CYB5B: variants seen among roughly 807,000 people sequenced by gnomAD.
The protein encoded by CYB5B is cytochrome b5 type B, also known as cytochrome b5 type B (outer mitochondrial membrane).
CYB5B carries 14 observed loss-of-function variants against 21.3 expected under a neutral mutation model. The ratio of observed to expected loss-of-function variants is 0.66; its 90% CI spans 0.43 to 1.03. The LOEUF (loss-of-function observed/expected upper bound fraction) is 1.03. Among genes scored for constraint, CYB5B ranks in the 50% least tolerant of loss-of-function variants. The pLI, the probability that CYB5B is intolerant of heterozygous loss-of-function variation, is 0.00. For synonymous variants in CYB5B, 69 were observed against 68.4 expected, an observed-to-expected ratio of 1.01 and a Z score of -0.04; for missense variants, 166 against 185.1, an observed-to-expected ratio of 0.90 and a Z score of 0.60.
chr16:69,448,079 G>T (rs1206404330), intron 2 of CYB5B, 36 bp from the exon 3 acceptor site: 1 of 1,606,114 alleles, frequency 6.2e-7, no homozygotes, highest in Non-Finnish European at 8.5e-7. Flanking sequence ...ATTTGGCTAT[G>T]TCTTAAAATA....
chr16:69,441,388 TC>T (rs1324501618), intron 1 of CYB5B, among the ~76,000 whole-genome samples: 1 of 152,132 alleles, frequency 6.6e-6, no homozygotes, highest in Non-Finnish European at 1.5e-5. Flanking sequence ...TCTCCTGACC[TC>T]GTGATCCGCC....
In CYB5B at chr16:69,465,153, A is replaced by C. The variant is rs2015076183; in HGVS notation, c.*2633A>C. 1 of 154,114 alleles carries C rather than the reference A, an allele frequency of 6.5e-6. No homozygotes were observed. Among genetic ancestry groups the C allele is most frequent in the Non-Finnish European group, 1.4e-5 (1 of 69,626 alleles). 9.5% of individuals were successfully genotyped at this position (154,114 alleles called of 1,614,324 possible). A position where few individuals can be genotyped will look rare whatever the true frequency, so the allele number is the denominator to read the frequency against. ...CCCATTGGCTGACAGTGCCACCTGGAGCTGGTCTCTGGGGTGTTCGGTTGT... is the reference window on the plus strand; with the variant it reads ...CCCATTGGCTGACAGTGCCACCTGGCGCTGGTCTCTGGGGTGTTCGGTTGT... On this transcript the variant is annotated 3_prime_UTR_variant, in exon 5 of 5. Transcript: ENST00000307892.
Position 69,465,193 on chromosome 16 carries a change from G to A in CYB5B, c.*2673G>A. 6.3e-6 allele frequency: 1 copy of A among 157,820 alleles called. No individual in the cohort carries two copies. The highest frequency in any genetic ancestry group is 1.4e-5 in the Non-Finnish European group (1 of 72,348). The allele number at this position is 157,820 out of a possible 1,614,324, so 9.8% of individuals were successfully genotyped here. A position where few individuals can be genotyped will look rare whatever the true frequency, so the allele number is the denominator to read the frequency against. The stretch of plus-strand genomic sequence containing the variant: ...TGTTCGGTTGTTTATTCCTGAGGAA[G>A]ACTAGCTGCTGCTGCTGCTGCTGCT... On this transcript the variant is annotated 3_prime_UTR_variant, in exon 5 of 5. Coordinates refer to ENST00000307892, the MANE Select transcript of CYB5B (RefSeq NM_030579.3).
intron 1 of CYB5B, among the ~76,000 whole-genome samples, chr16:69,430,378 G>A (rs1179084970): frequency 6.6e-6 from 1 of 151,982 alleles, no homozygotes; most frequent in Non-Finnish European, 1.5e-5. Flanking sequence ...ACCACACCCT[G>A]CTAATTTTTT....
intron 3 of CYB5B, among the ~76,000 whole-genome samples, chr16:69,451,437 T>G (rs1408243758): frequency 6.6e-6 from 1 of 152,158 alleles, no homozygotes; most frequent in East Asian, 1.9e-4. Flanking sequence ...GTTCAAGAGA[T>G]AAAGTGCATA....
intron 1 of CYB5B, among the ~76,000 whole-genome samples, chr16:69,446,805 C>G (rs1179639039): frequency 1.3e-5 from 2 of 152,118 alleles, no homozygotes; most frequent in Non-Finnish European, 2.9e-5. Flanking sequence ...GAATCTCTAG[C>G]CTCCTTCAAT....
At chr16:69,428,767 T>C (rs1280568765) in intron 1 of CYB5B, among the ~76,000 whole-genome samples, 10 of 152,100 alleles carry the variant, frequency 6.6e-5, no homozygotes, top group Admixed American at 5.9e-4. Context: ...TTTATGAAGA[T>C]GACTAAGTAA....
chr16:69,434,893 G>A (rs958110551), intron 1 of CYB5B, among the ~76,000 whole-genome samples: 22 of 151,566 alleles, frequency 1.5e-4, no homozygotes, highest in Middle Eastern at 3.2e-3. Context: ...CATTGTAATG[G>A]GTGTGTAATG....
At position 69,462,646 on chromosome 16, in the gene CYB5B, C is replaced by T. The variant is rs771877684; in HGVS notation, c.*126C>T. On this transcript the variant is annotated 3_prime_UTR_variant, in exon 5 of 5. Coordinates refer to ENST00000307892, the MANE Select transcript of CYB5B (RefSeq NM_030579.3). ...GCATTCTTCCCCCTTGGAGCCAAGACGATTGGCCAGACATCACCTCAGATC... is the reference window on the plus strand; with the variant it reads ...GCATTCTTCCCCCTTGGAGCCAAGATGATTGGCCAGACATCACCTCAGATC... 21 of 757,044 alleles carry T rather than the reference C, an allele frequency of 2.8e-5. No individual in the cohort carries two copies. Among genetic ancestry groups the T allele is most frequent in the Non-Finnish European group, 3.6e-5 (16 of 443,152 alleles). 46.9% of individuals were successfully genotyped at this position (757,044 alleles called of 1,614,324 possible). A position where few individuals can be genotyped will look rare whatever the true frequency, so the allele number is the denominator to read the frequency against.
intron 3 of CYB5B, among the ~76,000 whole-genome samples, chr16:69,456,544 G>A (rs2014985379): frequency 6.6e-6 from 1 of 152,164 alleles, no homozygotes; most frequent in African/African-American, 2.4e-5. Context: ...GGGTTATGCT[G>A]GAAGAACTTT....
At chr16:69,444,958 G>C (rs1422301981) in intron 1 of CYB5B, among the ~76,000 whole-genome samples, 1 of 152,170 alleles carries the variant, frequency 6.6e-6, no homozygotes, top group Non-Finnish European at 1.5e-5. Flanking sequence ...AAAGTGTTGT[G>C]CTTTCTCTTG....
At chr16:69,440,597 G>A (rs1322251965) in intron 1 of CYB5B, among the ~76,000 whole-genome samples, 1 of 152,154 alleles carries the variant, frequency 6.6e-6, no homozygotes, top group African/African-American at 2.4e-5. Context: ...CATGTGTTGT[G>A]TATGTGGCAG....
intron 1 of CYB5B, among the ~76,000 whole-genome samples, chr16:69,438,134 A>G (rs1002077275): frequency 6.6e-6 from 1 of 152,166 alleles, no homozygotes; most frequent in African/African-American, 2.4e-5. Context: ...TGACTACTCT[A>G]GAATATAAAT....
intron 4 of CYB5B, 81 bp from the exon 5 acceptor site, chr16:69,462,348 TA>T: frequency 8.6e-7 from 1 of 1,168,874 alleles, no homozygotes; most frequent in Non-Finnish European, 1.3e-6. Flanking sequence ...CTTGCCTATA[TA>T]AAAACATGTG....
chr16:69,442,018 C>G (rs1316503780), intron 1 of CYB5B, among the ~76,000 whole-genome samples: 3 of 152,092 alleles, frequency 2.0e-5, no homozygotes, highest in Non-Finnish European at 4.4e-5. Flanking sequence ...TCAGAATGAA[C>G]AATACAGGGA....
chr16:69,440,745 C>CGTGTGTGTGTGT (rs56008000), intron 1 of CYB5B, among the ~76,000 whole-genome samples: 58,612 of 146,154 alleles, frequency 0.4, 12,411 homozygotes, highest in Admixed American at 0.51. Context: ...GTGTGTGTTG[C>CGTGTGTGTGTGT]GTGTGTGTGT....
intron 1 of CYB5B, among the ~76,000 whole-genome samples, chr16:69,446,138 G>C (rs753778416): frequency 4.6e-5 from 7 of 152,080 alleles, no homozygotes; most frequent in Non-Finnish European, 1.0e-4. Context: ...GGAGTGCAAA[G>C]TGTTTTATAT....
chr16:69,452,293 G>A (rs2014942184), intron 3 of CYB5B, among the ~76,000 whole-genome samples: 1 of 130,016 alleles, frequency 7.7e-6, no homozygotes, highest in Non-Finnish European at 1.6e-5. Context: ...CAGCCTGGGC[G>A]ACAGAGCGAG....
chr16:69,461,631 A>G (rs2015036782), intron 4 of CYB5B, among the ~76,000 whole-genome samples: 1 of 152,250 alleles, frequency 6.6e-6, no homozygotes, highest in Non-Finnish European at 1.5e-5. Context: ...AATAAGTTCT[A>G]TTAAAGAATT....
Sources: allele counts gnomAD v4.1 joint callset (sites outside exome capture counted in the v4.1 genomes callset), GRCh38; gene constraint gnomAD v4.1.1; transcripts MANE v1.5; gene names NCBI Gene and HGNC (gene_info 2026-07-23, HGNC 2026-07-21).